The following PIH1D2 variants were observed in gnomAD, a reference collection of about 807,000 sequenced individuals.
The protein encoded by PIH1D2 is PIH1 domain-containing protein 2.
PIH1D2 carries 25 observed loss-of-function variants against 31.2 expected under a neutral mutation model. The ratio of observed to expected loss-of-function variants is 0.80; its 90% CI spans 0.58 to 1.12. PIH1D2 has a LOEUF of 1.12. Ranked by LOEUF, PIH1D2 falls within the 50% of genes most tolerant of loss-of-function variation. The pLI, the probability that PIH1D2 is intolerant of heterozygous loss-of-function variation, is 0.00. For synonymous variants in PIH1D2, 116 were observed against 119.9 expected, an observed-to-expected ratio of 0.97 and a Z score of 0.21; for missense variants, 310 against 356.6, an observed-to-expected ratio of 0.87 and a Z score of 1.05.
At position 112,068,982 on chromosome 11, in the gene PIH1D2, G is replaced by GTT. The variant is rs1230809846; in HGVS notation, c.814-979_814-978dup. Among the ~76,000 whole-genome samples, 478 of 88,210 alleles carry GTT rather than the reference G, an allele frequency of 5.4e-3. 18 individuals carry two copies. Among genetic ancestry groups the GTT allele is most frequent in the African/African-American group, 0.02 (327 of 16,364 alleles). The allele number at this position is 88,210 out of a possible 152,430, so 57.9% of individuals were successfully genotyped here. On this transcript the variant is annotated intron_variant, in intron 5 of 5. Coordinates refer to ENST00000280350, the MANE Select transcript of PIH1D2 (RefSeq NM_138789.4). ...TTGTTAAAACCTCTGAATTTTTTTT[G>GTT]TTTTTTTTTTTTTTTGTTTTTTTTT...
downstream of PIH1D2, chr11:112,061,248 G>T (rs904195072): frequency 1.9e-6 from 3 of 1,554,012 alleles, no homozygotes; most frequent in Non-Finnish European, 1.8e-6. Context: ...GGTATCCTCA[G>T]GGGATTGGCT....
downstream of PIH1D2, chr11:112,062,414 T>C: frequency 1.2e-6 from 2 of 1,612,534 alleles, no homozygotes. Context: ...AGGTTTGATG[T>C]GGCTAGCATG....
chr11:112,068,083 C>T, intron 5 of PIH1D2, 78 bp from the exon 6 acceptor site: 1 of 1,011,744 alleles, frequency 9.9e-7, no homozygotes, highest in Non-Finnish European at 1.4e-6. Context: ...TTATTCACTC[C>T]TTTGCCATAA....
chr11:112,059,381 C>T (rs1238538665), downstream of PIH1D2, among the ~76,000 whole-genome samples: 3 of 133,860 alleles, frequency 2.2e-5, no homozygotes, highest in Admixed American at 8.0e-5. Flanking sequence ...TCTTGGCAGG[C>T]GGTGGGGTCA....
At chr11:112,060,937 C>T, downstream of PIH1D2, 1 of 1,057,646 alleles carries the variant, frequency 9.5e-7, no homozygotes, top group Non-Finnish European at 1.4e-6. Flanking sequence ...TTTCTTAAGA[C>T]CTTGCACCTT....
intron 2 of PIH1D2, 72 bp from the exon 3 acceptor site, chr11:112,071,830 C>T (rs1555184720): frequency 6.5e-6 from 10 of 1,538,130 alleles, no homozygotes; most frequent in Middle Eastern, 1.7e-4. Context: ...TGGTGGCTCC[C>T]GCCTGTAATC....
chr11:112,061,997 A>G (rs1447646631), downstream of PIH1D2, among the ~76,000 whole-genome samples: 2 of 152,240 alleles, frequency 1.3e-5, no homozygotes, highest in Non-Finnish European at 2.9e-5. Flanking sequence ...AAATGCAGTT[A>G]GTCCTATTTG....
the PIH1D2 span, among the ~76,000 whole-genome samples, chr11:112,053,646 G>A: frequency 6.6e-6 from 1 of 151,948 alleles, no homozygotes; most frequent in Non-Finnish European, 1.5e-5. Flanking sequence ...GTAGATATGG[G>A]GTTTCACCAT....
Position 112,068,459 on chromosome 11 carries a change from G to A in PIH1D2, c.814-454C>T, listed in dbSNP as rs781858232. On this transcript the variant is annotated intron_variant, in intron 5 of 5. Transcript: ENST00000280350. ...TAACAGGATATTACAAGAAAGATGA[G>A]CTTAGAATGGACCATTTTGCAAGTC... Among the ~76,000 whole-genome samples, 30 of 152,160 alleles carry A rather than the reference G, an allele frequency of 2.0e-4. 1 individual carries two copies. The highest frequency in any genetic ancestry group is 4.3e-4 in the Non-Finnish European group (29 of 68,026).
chr11:112,071,250 G>C lies in PIH1D2; in HGVS notation c.335C>G (p.Pro112Arg), dbSNP rs782082491. Residue 112 changes from proline (P) to arginine (R), a missense_variant, in exon 4 of 6, where the codon CCT (proline) becomes CGT (arginine). Coordinates refer to ENST00000280350, the MANE Select transcript of PIH1D2 (RefSeq NM_138789.4). ...AYTVIDVAYN[P>R]DVLHAAEKDQ... Reference sequence around the variant, plus strand: ...CTTTTCTGCTGCATGAAGAACATCAGGATTGTAGGCAACATCAATGACTGT... The same window carrying C: ...CTTTTCTGCTGCATGAAGAACATCACGATTGTAGGCAACATCAATGACTGT... The C allele has an allele frequency of 1.9e-6, 3 of 1,613,592 alleles. No homozygotes were observed. In the East Asian group the frequency reaches 6.7e-5, roughly 36 times the overall value.
intron 4 of PIH1D2, 101 bp from the exon 5 acceptor site, chr11:112,070,802 G>A: frequency 7.5e-7 from 1 of 1,338,458 alleles, no homozygotes; most frequent in Non-Finnish European, 1.0e-6. Context: ...GGTAGATAAA[G>A]CTGCAGTTAA....
chr11:112,064,530 TAGG>T (rs1399079971), downstream of PIH1D2: 3 of 250,790 alleles, frequency 1.2e-5, no homozygotes, highest in Non-Finnish European at 2.3e-5. Flanking sequence ...GGACTACATT[TAGG>T]AGAATATAAT....
chr11:112,060,403 G>T (rs1169950419), downstream of PIH1D2, among the ~76,000 whole-genome samples: 1 of 150,474 alleles, frequency 6.6e-6, no homozygotes, highest in South Asian at 2.1e-4. Context: ...CTTGTGATCC[G>T]CCTGCCTCAG....
chr11:112,062,844 T>C (rs1311945106), downstream of PIH1D2: 15 of 346,902 alleles, frequency 4.3e-5, no homozygotes, highest in African/African-American at 1.7e-4. Context: ...ATAGGTAGAA[T>C]TGTGGTTCCC....
the PIH1D2 span, among the ~76,000 whole-genome samples, chr11:112,057,143 T>G: frequency 6.6e-6 from 1 of 152,218 alleles, no homozygotes; most frequent in African/African-American, 2.4e-5. Flanking sequence ...ATGGCAAACT[T>G]CATTGATAAA....
At chr11:112,070,330 G>C (rs1865068809) in intron 5 of PIH1D2, 106 bp downstream of exon 5, 1 of 1,366,410 alleles carries the variant, frequency 7.3e-7, no homozygotes, top group South Asian at 1.4e-5. Context: ...GGTAACCTGA[G>C]CAAATCATTG....
chr11:112,058,297 A>G (rs1864239377), downstream of PIH1D2, among the ~76,000 whole-genome samples: 1 of 152,198 alleles, frequency 6.6e-6, no homozygotes. Flanking sequence ...GCTGTGTGAT[A>G]CCTTGGCTAC....
chr11:112,072,287 G>A (rs1306531835), intron 2 of PIH1D2, among the ~76,000 whole-genome samples: 1 of 151,904 alleles, frequency 6.6e-6, no homozygotes, highest in Non-Finnish European at 1.5e-5. Flanking sequence ...GCTCACGTAT[G>A]TTACCCTAGT....
chr11:112,062,711 C>A, downstream of PIH1D2: 1 of 691,954 alleles, frequency 1.4e-6, no homozygotes, highest in Non-Finnish European at 2.4e-6. Context: ...CCGATTACAC[C>A]CAAATATTGT....
Sources: allele counts gnomAD v4.1 joint callset (sites outside exome capture counted in the v4.1 genomes callset), GRCh38; gene constraint gnomAD v4.1.1; transcripts MANE v1.5; gene names NCBI Gene and HGNC (gene_info 2026-07-23, HGNC 2026-07-21).